The following SBNO1 variants were observed in gnomAD, a reference collection of about 807,000 sequenced individuals.
SBNO1 encodes the protein strawberry notch homolog 1, also known as protein strawberry notch homolog 1.
SBNO1 carries 23 observed loss-of-function variants against 173.6 expected under a neutral mutation model. That is an observed-to-expected ratio of 0.13 (90% CI 0.10 to 0.19). The LOEUF (loss-of-function observed/expected upper bound fraction) is 0.19. Among genes scored for constraint, SBNO1 ranks in the 10% least tolerant of loss-of-function variants. The probability of loss-of-function intolerance (pLI) is 1.00; values close to 1 mark genes in which losing one functional copy is unlikely to be tolerated. For missense variants in SBNO1, 1,238 were observed against 1,671.2 expected (o/e 0.74, Z 4.52); for synonymous variants, 632 against 571.5 (o/e 1.11, Z -1.51).
chr12:123,300,990 A>C (rs562927543), intron 30 of SBNO1, among the ~76,000 whole-genome samples: 24 of 131,460 alleles, frequency 1.8e-4, no homozygotes, highest in African/African-American at 2.5e-4. Flanking sequence ...CAAAAAAAAA[A>C]CCCAAGTTAG....
chr12:123,298,199 T>C (rs761406676), intron 30 of SBNO1, 28 bp from the exon 31 acceptor site: 4 of 1,595,844 alleles, frequency 2.5e-6, no homozygotes, highest in African/African-American at 2.7e-5. Flanking sequence ...GAAATACATA[T>C]GAGTGTCTAT....
intron 1 of SBNO1, among the ~76,000 whole-genome samples, chr12:123,355,231 G>A (rs1874313517): frequency 6.6e-6 from 1 of 152,096 alleles, no homozygotes; most frequent in Admixed American, 6.6e-5. Context: ...ATGTTGGCCA[G>A]GATGGTCTCG....
At position 123,364,081 on chromosome 12, in the gene SBNO1, G is replaced by C. The variant is rs1026452152; in HGVS notation, c.-1+620C>G. The C allele has an allele frequency of 8.1e-6, 8 of 985,376 alleles. No individual in the cohort carries two copies. The Admixed American group carries it at 4.9e-4, about 61-fold the overall frequency. 61.0% of individuals were successfully genotyped at this position (985,376 alleles called of 1,614,324 possible). A position where few individuals can be genotyped will look rare whatever the true frequency, so the allele number is the denominator to read the frequency against. Reference sequence around the variant, plus strand: ...TCTGGGAGGTGAGCTCGCCCGCCGAGGCAGAACTAAGCGAGTCGCCTGGAG... The same window carrying C: ...TCTGGGAGGTGAGCTCGCCCGCCGACGCAGAACTAAGCGAGTCGCCTGGAG... On this transcript the variant is annotated intron_variant, in intron 1 of 31. Coordinates refer to ENST00000602398, the MANE Select transcript of SBNO1 (RefSeq NM_001167856.3).
In SBNO1 at chr12:123,315,535, C is replaced by T. The variant is rs766956499; in HGVS notation, c.3048+13G>A. On this transcript the variant is annotated intron_variant, in intron 22 of 31. Coordinates refer to ENST00000602398, the MANE Select transcript of SBNO1 (RefSeq NM_001167856.3). ...TCATCATTTACACACAGCCACACAA[C>T]TCCAAAACTCACCAAACTCTCAAGT... 1.3e-6 allele frequency: 2 copies of T among 1,595,706 alleles called. No homozygotes were observed. Among genetic ancestry groups the T allele is most frequent in the South Asian group, 1.1e-5 (1 of 90,668 alleles).
At position 123,294,504 on chromosome 12, in the gene SBNO1, G is replaced by A. The variant is rs554810096; in HGVS notation, c.*1404C>T. The A allele has an allele frequency of 6.5e-6, 1 of 153,110 alleles. No homozygotes were observed. The highest frequency in any genetic ancestry group is 1.5e-5 in the Non-Finnish European group (1 of 68,768). 9.5% of individuals were successfully genotyped at this position (153,110 alleles called of 1,614,324 possible). A position where few individuals can be genotyped will look rare whatever the true frequency, so the allele number is the denominator to read the frequency against. On this transcript the variant is annotated 3_prime_UTR_variant, in exon 32 of 32. Transcript: ENST00000602398. Reference sequence around the variant, plus strand: ...GACTACTTCTGAAGGTCACCAGTGAGGGCCTAAACAAGAGTCCACTTCTTG... The same window carrying A: ...GACTACTTCTGAAGGTCACCAGTGAAGGCCTAAACAAGAGTCCACTTCTTG...
chr12:123,309,667 T>G, intron 26 of SBNO1, 43 bp downstream of exon 26: 1 of 1,603,906 alleles, frequency 6.2e-7, no homozygotes, highest in Non-Finnish European at 8.5e-7. Context: ...CCACTCCACA[T>G]TTTCCCTGGG....
intron 28 of SBNO1, among the ~76,000 whole-genome samples, chr12:123,308,096 C>G (rs1260678497): frequency 6.6e-6 from 1 of 151,994 alleles, no homozygotes; most frequent in Admixed American, 6.6e-5. Context: ...CGAAACAACA[C>G]AACCCCAAAT....
In SBNO1 at chr12:123,309,411, G is replaced by T. The variant is rs374891908; in HGVS notation, c.3538-9C>A. The T allele has an allele frequency of 4.2e-5, 67 of 1,612,314 alleles. 2 individuals carry two copies. In the South Asian group the frequency reaches 6.4e-4, roughly 15 times the overall value. On this transcript the variant is annotated splice_polypyrimidine_tract_variant and intron_variant, in intron 27 of 31. Transcript: ENST00000602398. ...CCCCTCTCTACACTAATCTGTAAGA[G>T]AAACAACGAAATTTAAACTCATTTC...
At chr12:123,353,863 A>G (rs1252620259) in intron 1 of SBNO1, among the ~76,000 whole-genome samples, 1 of 152,200 alleles carries the variant, frequency 6.6e-6, no homozygotes, top group African/African-American at 2.4e-5. Flanking sequence ...GAAATGATTT[A>G]TTTACATTTG....
chr12:123,363,855 T>A (rs1267111267), intron 1 of SBNO1: 59 of 985,310 alleles, frequency 6.0e-5, no homozygotes, highest in Non-Finnish European at 7.1e-5. Context: ...GGGGAGGAGC[T>A]GGATGCCAGG....
chr12:123,318,141 G>T (rs113861214), intron 20 of SBNO1, among the ~76,000 whole-genome samples: 33 of 152,188 alleles, frequency 2.2e-4, no homozygotes, highest in Non-Finnish European at 4.4e-4. Context: ...CCTGTACAGG[G>T]CAGGGTCCCA....
chr12:123,291,918 T>A lies in SBNO1; in HGVS notation c.*3990A>T, dbSNP rs1209668850. ...GGGTTTTGGATTTTATCTCAAGTAC[T>A]CAAAAAAAAAATGCTAGCGAGCTTG... On this transcript the variant is annotated 3_prime_UTR_variant, in exon 32 of 32. Coordinates refer to ENST00000602398, the MANE Select transcript of SBNO1 (RefSeq NM_001167856.3). 7 of 149,784 alleles carry A rather than the reference T, an allele frequency of 4.7e-5. No individual in the cohort carries two copies. Among genetic ancestry groups the A allele is most frequent in the Admixed American group, 4.6e-4 (7 of 15,054 alleles). 9.3% of individuals were successfully genotyped at this position (149,784 alleles called of 1,614,324 possible). A position where few individuals can be genotyped will look rare whatever the true frequency, so the allele number is the denominator to read the frequency against.
chr12:123,348,383 G>C (rs1186061379), intron 2 of SBNO1, among the ~76,000 whole-genome samples: 3 of 152,130 alleles, frequency 2.0e-5, no homozygotes, highest in East Asian at 1.9e-4. Context: ...CAGCACTTTG[G>C]GAGGCCGAGG....
chr12:123,333,911 T>G, intron 7 of SBNO1, 142 bp downstream of exon 7: 1 of 535,298 alleles, frequency 1.9e-6, no homozygotes. Flanking sequence ...CTTCTAAAAT[T>G]TAATTTTCCA....
At chr12:123,296,204 T>C (rs1475312316) in intron 31 of SBNO1, among the ~76,000 whole-genome samples, 154 bp from the exon 32 acceptor site, 1 of 152,186 alleles carries the variant, frequency 6.6e-6, no homozygotes, top group Non-Finnish European at 1.5e-5. Context: ...AAATGGCCAT[T>C]GAGATGTAGT....
chr12:123,331,805 G>A (rs1871246200), intron 7 of SBNO1, among the ~76,000 whole-genome samples: 1 of 150,544 alleles, frequency 6.6e-6, no homozygotes, highest in African/African-American at 2.4e-5. Context: ...CAGGTGTGAG[G>A]CACTGCACCC....
chr12:123,318,941 A>G (rs1428686099), intron 20 of SBNO1, among the ~76,000 whole-genome samples: 3 of 151,972 alleles, frequency 2.0e-5, no homozygotes, highest in African/African-American at 7.3e-5. Context: ...ATTAGATGTC[A>G]CAACACCAAG....
Position 123,298,116 on chromosome 12 carries a change from A to G in SBNO1, c.3901T>C (p.Cys1301Arg). 2 of 1,611,292 alleles carry G rather than the reference A, an allele frequency of 1.2e-6. No homozygotes were observed. The highest frequency in any genetic ancestry group is 2.7e-5 in the African/African-American group (2 of 74,910). ...LGLVCEIGLR[C>R]RTYYVLCGSV... ...CCACATAATACATAATATGTACGGCAACGAAGACCTATTTCACAAACTAGC... is the reference window on the plus strand; with the variant it reads ...CCACATAATACATAATATGTACGGCGACGAAGACCTATTTCACAAACTAGC... The change falls in exon 31 of 32, where the codon TGC (cysteine) becomes CGC (arginine). Residue 1301 changes from cysteine to arginine, a missense_variant. Physicochemically the swap from Cys to Arg is radical, Grantham distance 180. Transcript: ENST00000602398.
intron 3 of SBNO1, 27 bp downstream of exon 3, chr12:123,348,002 G>T: frequency 7.1e-7 from 1 of 1,398,988 alleles, no homozygotes; most frequent in Non-Finnish European, 1.0e-6. Flanking sequence ...TATTTTAGAA[G>T]TAACGACGAA....
Sources: allele counts gnomAD v4.1 joint callset (sites outside exome capture counted in the v4.1 genomes callset), GRCh38; gene constraint gnomAD v4.1.1; transcripts MANE v1.5; gene names NCBI Gene and HGNC (gene_info 2026-07-23, HGNC 2026-07-21).